Variants in ATM observed in about 807,000 individuals in gnomAD.
ATM encodes the protein serine-protein kinase ATM.
Under a neutral mutation model 387.0 loss-of-function variants are expected in ATM, and 308 were observed. That is an observed-to-expected ratio of 0.80 (90% CI 0.73 to 0.87). The LOEUF is 0.87. Among genes scored for constraint, ATM ranks in the 40% least tolerant of loss-of-function variants. The probability of loss-of-function intolerance (pLI) is 0.00; values close to 1 mark genes in which losing one functional copy is unlikely to be tolerated. For missense variants in ATM, 3,312 were observed against 3,560.9 expected (o/e 0.93, Z 1.78); for synonymous variants, 1,156 against 1,187.3 (o/e 0.97, Z 0.54).
At chr11:108,354,072 C>CACAA (rs1472126994) in intron 60 of ATM, among the ~76,000 whole-genome samples, 192 bp downstream of exon 60, 3 of 140,702 alleles carry the variant, frequency 2.1e-5, no homozygotes, top group African/African-American at 8.7e-5. Flanking sequence ...CACACACAAA[C>CACAA]ACACACACAC....
At chr11:108,233,399 A>G (rs1449955119) in intron 4 of ATM, among the ~76,000 whole-genome samples, 1 of 151,904 alleles carries the variant, frequency 6.6e-6, no homozygotes, top group Non-Finnish European at 1.5e-5. Context: ...GTGAGACCTC[A>G]TCTCTACAAA....
chr11:108,255,401 A>G (rs972035181), intron 13 of ATM, among the ~76,000 whole-genome samples: 3 of 149,868 alleles, frequency 2.0e-5, no homozygotes, highest in African/African-American at 7.4e-5. Context: ...GATTCTTAGT[A>G]ATTCTATAAA....
intron 16 of ATM, among the ~76,000 whole-genome samples, chr11:108,265,952 TA>T (rs2081209968): frequency 6.7e-6 from 1 of 150,266 alleles, no homozygotes; most frequent in Admixed American, 6.7e-5. Context: ...TCACACCAGT[TA>T]GAATGGCAGT....
At chr11:108,293,606 C>T in intron 31 of ATM, 129 bp downstream of exon 31, 1 of 849,228 alleles carries the variant, frequency 1.2e-6, no homozygotes, top group Non-Finnish European at 1.8e-6. Flanking sequence ...TATACGTAGG[C>T]CAGGCACATT....
chr11:108,348,703 G>T (rs553085090), intron 59 of ATM, among the ~76,000 whole-genome samples: 46 of 152,126 alleles, frequency 3.0e-4, no homozygotes, highest in African/African-American at 1.1e-3. Context: ...GTTATCACAG[G>T]TTTCATTATT....
chr11:108,292,937 T>C, intron 30 of ATM, 144 bp downstream of exon 30: 1 of 1,047,234 alleles, frequency 9.5e-7, no homozygotes, highest in South Asian at 1.5e-5. Flanking sequence ...ATATTCTTAA[T>C]GAATTAACCT....
chr11:108,227,386 T>C (rs907531304), intron 1 of ATM: 14 of 484,448 alleles, frequency 2.9e-5, no homozygotes, highest in Non-Finnish European at 4.4e-5. Context: ...ATTACTTGTA[T>C]AGATTTTAAG....
chr11:108,348,454 T>C (rs1382659417), intron 59 of ATM, among the ~76,000 whole-genome samples: 1 of 151,274 alleles, frequency 6.6e-6, no homozygotes, highest in African/African-American at 2.4e-5. Context: ...TATATATAGC[T>C]AAGAAATATA....
chr11:108,366,714 A>G lies in ATM; in HGVS notation c.*1206A>G. 4.3e-6 allele frequency: 1 copy of G among 231,276 alleles called. No individual in the cohort carries two copies. Among genetic ancestry groups the G allele is most frequent in the African/African-American group, 2.2e-5 (1 of 45,360 alleles). The allele number at this position is 231,276 out of a possible 1,614,324, so 14.3% of individuals were successfully genotyped here. A position where few individuals can be genotyped will look rare whatever the true frequency, so the allele number is the denominator to read the frequency against. On this transcript the variant is annotated 3_prime_UTR_variant, in exon 63 of 63. Coordinates refer to ENST00000675843, the MANE Select transcript of ATM (RefSeq NM_000051.4). ...ATACTGATAGGAGATTTCCCAGGCC[A>G]AGGCAAACACACTTCCTCCTCATCT...
chr11:108,245,734 C>G (rs951010570), intron 7 of ATM, among the ~76,000 whole-genome samples: 1 of 151,820 alleles, frequency 6.6e-6, no homozygotes, highest in Non-Finnish European at 1.5e-5. Context: ...TTTGGACCAA[C>G]TCATCATGGC....
intron 33 of ATM, 194 bp from the exon 34 acceptor site, chr11:108,299,520 C>T (rs937162297): frequency 1.8e-5 from 9 of 503,746 alleles, no homozygotes; most frequent in Admixed American, 9.2e-5. Context: ...TGGTCTCGAA[C>T]TCCTGACCTC....
intron 33 of ATM, among the ~76,000 whole-genome samples, chr11:108,298,151 T>C (rs555911040): frequency 6.6e-6 from 1 of 152,146 alleles, no homozygotes; most frequent in Non-Finnish European, 1.5e-5. Flanking sequence ...CATCTCTAGT[T>C]TAGGTGTTTA....
intron 50 of ATM, 61 bp from the exon 51 acceptor site, chr11:108,331,383 T>G: frequency 1.3e-6 from 2 of 1,572,980 alleles, no homozygotes; most frequent in Non-Finnish European, 1.7e-6. Context: ...CTTACTTGCT[T>G]AGATGTGAGA....
chr11:108,356,936 G>T (rs1451637455), intron 61 of ATM, among the ~76,000 whole-genome samples: 2 of 152,194 alleles, frequency 1.3e-5, no homozygotes, highest in African/African-American at 2.4e-5. Flanking sequence ...CCTCCGGGAG[G>T]AGGAGCCAAG....
chr11:108,359,432 T>C (rs1312053759), intron 61 of ATM, among the ~76,000 whole-genome samples: 1 of 152,100 alleles, frequency 6.6e-6, no homozygotes, highest in Non-Finnish European at 1.5e-5. Context: ...AACTCAGCTC[T>C]GCACCAAGCG....
At chr11:108,309,877 G>T (rs886114450) in intron 38 of ATM, among the ~76,000 whole-genome samples, 51 of 152,110 alleles carry the variant, frequency 3.4e-4, no homozygotes, top group African/African-American at 1.2e-3. Context: ...TTGGTAGAGA[G>T]CAGATATGAA....
Position 108,292,773 on chromosome 11 carries a change from C to T in ATM, c.4591C>T (p.Gln1531Ter), listed in dbSNP as rs2082872908. Residue 1531 changes from glutamine (Q) to a stop codon, truncating the protein, a stop_gained, in exon 30 of 63, where the codon CAG becomes TAG. Transcript: ENST00000675843. LOFTEE classifies it high-confidence loss of function. ...TACACTTATACCCCTTGTGTATGAGCAGGTGGAGGTTCAGAAACAGGTAAT... is the reference window on the plus strand; with the variant it reads ...TACACTTATACCCCTTGTGTATGAGTAGGTGGAGGTTCAGAAACAGGTAAT... ...VGTLIPLVYE[Q>*]VEVQKQVLDL... The T allele has an allele frequency of 6.2e-7, 1 of 1,613,900 alleles. No individual in the cohort carries two copies. The highest frequency in any genetic ancestry group is 8.5e-7 in the Non-Finnish European group (1 of 1,179,918).
At chr11:108,302,573 T>A (rs2083483489) in intron 35 of ATM, among the ~76,000 whole-genome samples, 1 of 152,164 alleles carries the variant, frequency 6.6e-6, no homozygotes, top group Non-Finnish European at 1.5e-5. Flanking sequence ...AAGAGACAGA[T>A]GAGTCAGAGT....
rs763976313 is a variant in ATM, at chr11:108,250,698, T to A, written c.1236-3T>A. ...TCAAATTATCCTTTTTTTTTTTTTT[T>A]AGGCTACAGATTGCAACCCAATTAA... On this transcript the variant is annotated splice_region_variant and splice_polypyrimidine_tract_variant and intron_variant, in intron 9 of 62. Transcript: ENST00000675843. 1 of 1,601,060 alleles carries A rather than the reference T, an allele frequency of 6.2e-7. No individual in the cohort carries two copies. The highest frequency in any genetic ancestry group is 1.3e-5 in the African/African-American group (1 of 74,640).
Sources: gnomAD v4.1 joint callset for allele counts (sites outside exome capture counted in the v4.1 genomes callset) on GRCh38, gnomAD v4.1.1 for gene constraint, MANE v1.5 for transcripts, NCBI Gene and HGNC (gene_info 2026-07-23, HGNC 2026-07-21) for gene names.